Variants in CATSPER3 observed in about 807,000 individuals in gnomAD.
CATSPER3 encodes cation channel sperm associated 3.
A neutral mutation model predicts 36.6 loss-of-function variants in CATSPER3; 23 were observed. That is an observed-to-expected ratio of 0.63 (90% CI 0.45 to 0.89). The LOEUF (loss-of-function observed/expected upper bound fraction) is 0.89, where lower values mean the gene tolerates loss of function less well. CATSPER3 is among the 40% of genes least tolerant of loss of function. The pLI is 0.00. For synonymous variants in CATSPER3, 172 were observed against 184.1 expected, an observed-to-expected ratio of 0.93 and a Z score of 0.53; for missense variants, 474 against 503.9, an observed-to-expected ratio of 0.94 and a Z score of 0.57.
chr5:134,990,483 A>G (rs548002745), intron 2 of CATSPER3, among the ~76,000 whole-genome samples: 2 of 152,348 alleles, frequency 1.3e-5, no homozygotes, highest in South Asian at 2.1e-4. Flanking sequence ...AATGAGAGGT[A>G]GGTTTGCCCT....
At chr5:134,975,287 G>A (rs1751659047) in intron 2 of CATSPER3, 1 of 152,016 alleles carries the variant, frequency 6.6e-6, no homozygotes, top group South Asian at 2.1e-4. Flanking sequence ...TAACCTTGAG[G>A]CTCTGTGCAA....
intron 6 of CATSPER3, 85 bp from the exon 7 acceptor site, chr5:135,010,288 G>A (rs1752164755): frequency 2.5e-6 from 3 of 1,210,202 alleles, no homozygotes; most frequent in Non-Finnish European, 3.7e-6. Context: ...GCTGCCTGGG[G>A]CCCATCCTGG....
intron 2 of CATSPER3, among the ~76,000 whole-genome samples, chr5:134,992,968 G>A (rs1259759227): frequency 3.3e-5 from 5 of 152,196 alleles, no homozygotes; most frequent in Admixed American, 6.5e-5. Context: ...CATGTTCATA[G>A]CCGCATTATT....
chr5:134,997,381 C>CTG (rs1751963196), intron 3 of CATSPER3, among the ~76,000 whole-genome samples: 1 of 152,226 alleles, frequency 6.6e-6, no homozygotes, highest in Non-Finnish European at 1.5e-5. Context: ...AAACGCCTGC[C>CTG]TGTGTGTGTC....
chr5:134,996,546 G>C, intron 3 of CATSPER3, 34 bp downstream of exon 3: 1 of 1,610,858 alleles, frequency 6.2e-7, no homozygotes, highest in Non-Finnish European at 8.5e-7. Flanking sequence ...GTGCTGGGAG[G>C]GCAGGCCGTA....
intron 2 of CATSPER3, among the ~76,000 whole-genome samples, chr5:134,987,988 A>G (rs1332462306): frequency 1.3e-5 from 2 of 152,224 alleles, no homozygotes; most frequent in East Asian, 3.8e-4. Context: ...TCTAAATTGA[A>G]AAGAAAGATG....
chr5:134,988,180 T>C lies in CATSPER3; in HGVS notation c.253-8093T>C, dbSNP rs1483819252. On this transcript the variant is annotated intron_variant, in intron 2 of 7. Transcript: ENST00000282611. Reference sequence around the variant, plus strand: ...AGTATATACTTTAATTTAAAAATACTTTATTGCTAAAAAATGCCAACAATC... The same window carrying C: ...AGTATATACTTTAATTTAAAAATACCTTATTGCTAAAAAATGCCAACAATC... Among the ~76,000 whole-genome samples, 4 of 152,234 alleles carry C rather than the reference T, an allele frequency of 2.6e-5. No individual in the cohort carries two copies. The East Asian group carries it at 7.7e-4, about 29-fold the overall frequency.
Position 134,968,180 on chromosome 5 carries a change from A to G in CATSPER3, c.98+91A>G. ...CAGTGTTCTCTCAGCCTCTTCCCTC[A>G]GATACTCGTCTGCTTACCAAAATAA... On this transcript the variant is annotated intron_variant, in intron 1 of 7. Transcript: ENST00000282611. 3.3e-6 allele frequency: 3 copies of G among 900,010 alleles called. No individual in the cohort carries two copies. In the South Asian group the frequency reaches 4.1e-5, roughly 12 times the overall value. 55.8% of individuals were successfully genotyped at this position (900,010 alleles called of 1,614,324 possible). A position where few individuals can be genotyped will look rare whatever the true frequency, so the allele number is the denominator to read the frequency against.
chr5:135,010,867 C>G (rs916586292), intron 7 of CATSPER3, among the ~76,000 whole-genome samples: 16 of 152,210 alleles, frequency 1.1e-4, no homozygotes, highest in African/African-American at 3.6e-4. Context: ...CAGCTTCTGG[C>G]CTGGTTGTGC....
intron 3 of CATSPER3, among the ~76,000 whole-genome samples, chr5:134,996,868 C>G (rs1751956883): frequency 6.6e-6 from 1 of 152,226 alleles, no homozygotes; most frequent in Non-Finnish European, 1.5e-5. Context: ...GAACTACATG[C>G]CCAGGACGCC....
In CATSPER3 at chr5:135,008,971, T is replaced by C. The variant is rs752928765; in HGVS notation, c.806T>C (p.Met269Thr). 25 of 1,614,074 alleles carry C rather than the reference T, an allele frequency of 1.5e-5. No homozygotes were observed. The highest frequency in any genetic ancestry group is 2.0e-5 in the Non-Finnish European group (24 of 1,179,996). The change falls in exon 5 of 8, where the codon ATG (methionine) becomes ACG (threonine). Residue 269 changes from methionine (M) to threonine (T), a missense_variant. Transcript: ENST00000282611. ...FLNMFVGVMI[M>T]HTEDSIRKFE... is the part of the protein sequence containing the mutation. ...AACATGTTCGTGGGTGTGATGATCA[T>C]GCACACAGAGGTGAGGCCACACCTG...
intron 2 of CATSPER3, among the ~76,000 whole-genome samples, chr5:134,973,331 A>G (rs756402626): frequency 4.6e-5 from 7 of 152,230 alleles, no homozygotes; most frequent in Non-Finnish European, 1.0e-4. Context: ...GAAAGCCAAG[A>G]TAAAAAGTTT....
chr5:134,991,241 T>C (rs1417352856), intron 2 of CATSPER3, among the ~76,000 whole-genome samples: 1 of 152,232 alleles, frequency 6.6e-6, no homozygotes, highest in Non-Finnish European at 1.5e-5. Context: ...AATGCAATTT[T>C]TGTCAAAATT....
rs750508935 is a variant in CATSPER3, at chr5:134,970,100, G to A, written c.252+8G>A. ...TTGTTCAGACTTCTTGAGGTAAGCA[G>A]ACAAAATGGGTCCATTTTCTTCTTT... On this transcript the variant is annotated splice_region_variant and intron_variant, in intron 2 of 7. Coordinates refer to ENST00000282611, the MANE Select transcript of CATSPER3 (RefSeq NM_178019.3). The A allele has an allele frequency of 3.7e-6, 6 of 1,612,588 alleles. No individual in the cohort carries two copies. The highest frequency in any genetic ancestry group is 4.5e-5 in the East Asian group (2 of 44,866).
At chr5:134,973,765 G>A (rs543812160) in intron 2 of CATSPER3, among the ~76,000 whole-genome samples, 2 of 152,310 alleles carry the variant, frequency 1.3e-5, no homozygotes, top group East Asian at 3.9e-4. Flanking sequence ...AGATGGGACA[G>A]TTTGGGCTCC....
At chr5:134,968,148 A>C in intron 1 of CATSPER3, 59 bp downstream of exon 1, 1 of 1,202,566 alleles carries the variant, frequency 8.3e-7, no homozygotes, top group East Asian at 2.4e-5. Flanking sequence ...GTGTGAGGGC[A>C]GGGTGTCAGT....
At chr5:134,971,056 T>C (rs967863653) in intron 2 of CATSPER3, among the ~76,000 whole-genome samples, 1 of 151,490 alleles carries the variant, frequency 6.6e-6, no homozygotes, top group Non-Finnish European at 1.5e-5. Flanking sequence ...TTCACGCCAT[T>C]CTCCTGCCTC....
chr5:134,968,368 A>G (rs1751559297), intron 1 of CATSPER3: 1 of 410,006 alleles, frequency 2.4e-6, no homozygotes, highest in African/African-American at 2.0e-5. Flanking sequence ...AAATCAGATA[A>G]TGAAAATTAC....
chr5:134,992,523 G>A (rs1245697089), intron 2 of CATSPER3, among the ~76,000 whole-genome samples: 2 of 152,222 alleles, frequency 1.3e-5, no homozygotes, highest in African/African-American at 4.8e-5. Flanking sequence ...TCAGGAGTTC[G>A]AGACCAGCTT....
Sources: gnomAD v4.1 joint callset for allele counts (sites outside exome capture counted in the v4.1 genomes callset) on GRCh38, gnomAD v4.1.1 for gene constraint, MANE v1.5 for transcripts, NCBI Gene and HGNC (gene_info 2026-07-23, HGNC 2026-07-21) for gene names.